The following TAFA2 variants were observed in gnomAD, a reference collection of about 807,000 sequenced individuals.
TAFA2 encodes the protein TAFA chemokine like family member 2.
In TAFA2, 7 loss-of-function variants were observed where a neutral mutation model predicts 18.8. The observed-to-expected ratio is 0.37, with a 90% CI of 0.21 to 0.70. The LOEUF is 0.70. TAFA2 is among the 30% of genes least tolerant of loss of function. The pLI, the probability that TAFA2 is intolerant of heterozygous loss-of-function variation, is 0.53. For synonymous variants in TAFA2, 60 were observed against 54.2 expected (o/e 1.11, Z -0.47); for missense variants, 122 against 158.1 (o/e 0.77, Z 1.23).
chr12:62,239,316 T>C (rs896179220), intron 1 of TAFA2, among the ~76,000 whole-genome samples: 15 of 152,242 alleles, frequency 9.9e-5, no homozygotes, highest in Admixed American at 2.6e-4. Context: ...TTTCTTGATG[T>C]ATTCTTCCTA....
chr12:61,885,360 T>C (rs1875330490), intron 1 of TAFA2, among the ~76,000 whole-genome samples: 1 of 152,180 alleles, frequency 6.6e-6, no homozygotes, highest in Non-Finnish European at 1.5e-5. Flanking sequence ...AATGACATAG[T>C]GCCAGGGTGC....
intron 4 of TAFA2, among the ~76,000 whole-genome samples, chr12:61,726,615 A>G (rs570064953): frequency 2.6e-3 from 392 of 152,194 alleles, no homozygotes; most frequent in Admixed American, 4.2e-3. Flanking sequence ...GTTCATTTTC[A>G]GATCTAGGAG....
chr12:61,898,879 C>T (rs1382761320), intron 1 of TAFA2, among the ~76,000 whole-genome samples: 1 of 152,196 alleles, frequency 6.6e-6, no homozygotes, highest in African/African-American at 2.4e-5. Context: ...TGCAACTTTT[C>T]CAAACGTTTT....
At chr12:61,951,145 T>A (rs1878451223) in intron 1 of TAFA2, among the ~76,000 whole-genome samples, 1 of 152,024 alleles carries the variant, frequency 6.6e-6, no homozygotes, top group Non-Finnish European at 1.5e-5. Context: ...AAAAAGAAAG[T>A]CAGAAGCATC....
In TAFA2 at chr12:61,956,743, A is replaced by G. The variant is rs554708342; in HGVS notation, c.-1-89317T>C. On this transcript the variant is annotated intron_variant, in intron 1 of 4. Transcript: ENST00000416284. ...TCAATTCTTTTACCAGCAGATGGTG[A>G]AAGTGATTTTAAAAGAGGAATAAGA... is the stretch of plus-strand genomic sequence containing the variant. Among the ~76,000 whole-genome samples the G allele has an allele frequency of 1.5e-4, 23 of 152,234 alleles. No individual in the cohort carries two copies. In the Middle Eastern group the frequency reaches 0.02, roughly 135 times the overall value.
chr12:62,138,786 T>C (rs2062217185), intron 1 of TAFA2, among the ~76,000 whole-genome samples: 2 of 152,198 alleles, frequency 1.3e-5, no homozygotes, highest in African/African-American at 4.8e-5. Context: ...TCTTTTCAGT[T>C]CAGTGCACCA....
At chr12:61,968,104 T>C (rs960276103) in intron 1 of TAFA2, among the ~76,000 whole-genome samples, 2 of 151,832 alleles carry the variant, frequency 1.3e-5, no homozygotes, top group Non-Finnish European at 2.9e-5. Flanking sequence ...TAGATGCTCT[T>C]CTAGATAGCA....
chr12:62,101,335 A>G (rs1347850748), intron 1 of TAFA2, among the ~76,000 whole-genome samples: 1 of 152,176 alleles, frequency 6.6e-6, no homozygotes, highest in African/African-American at 2.4e-5. Context: ...ATGAGTCTAT[A>G]GGTGCTAAGA....
At chr12:61,916,998 A>G (rs1450812330) in intron 1 of TAFA2, among the ~76,000 whole-genome samples, 2 of 152,204 alleles carry the variant, frequency 1.3e-5, no homozygotes, top group South Asian at 2.1e-4. Context: ...CTAAATGCCC[A>G]GCTGGGAGTA....
chr12:61,747,633 C>T (rs1040185030), intron 4 of TAFA2, among the ~76,000 whole-genome samples: 5 of 149,900 alleles, frequency 3.3e-5, no homozygotes, highest in Non-Finnish European at 5.9e-5. Flanking sequence ...CCAAACACCG[C>T]ATATTCTCAC....
At chr12:62,116,253 C>T (rs1287700816) in intron 1 of TAFA2, among the ~76,000 whole-genome samples, 1 of 152,154 alleles carries the variant, frequency 6.6e-6, no homozygotes, top group African/African-American at 2.4e-5. Context: ...GCCCATGTGG[C>T]TACAATTGGA....
At chr12:61,831,139 C>T (rs1351886673) in intron 2 of TAFA2, among the ~76,000 whole-genome samples, 1 of 152,016 alleles carries the variant, frequency 6.6e-6, no homozygotes, top group African/African-American at 2.4e-5. Context: ...ATCTACTTTG[C>T]AGCAGTGTAA....
intron 2 of TAFA2, among the ~76,000 whole-genome samples, chr12:61,788,957 G>A (rs142338205): frequency 1.3e-5 from 2 of 151,934 alleles, no homozygotes. Context: ...GTCTTCTTTT[G>A]AGAAGCGTTT....
intron 1 of TAFA2, among the ~76,000 whole-genome samples, chr12:62,071,783 T>C (rs1422882197): frequency 6.6e-6 from 1 of 152,150 alleles, no homozygotes; most frequent in East Asian, 1.9e-4. Flanking sequence ...GGCTAACTTC[T>C]AGATACTTGG....
At chr12:61,776,104 G>A in intron 2 of TAFA2, 1 of 442,618 alleles carries the variant, frequency 2.3e-6, no homozygotes, top group Admixed American at 2.3e-5. Flanking sequence ...GGCAAAACTG[G>A]AAGAGTCTAC....
intron 1 of TAFA2, among the ~76,000 whole-genome samples, chr12:62,181,765 A>C (rs1193889249): frequency 2.0e-5 from 3 of 152,210 alleles, no homozygotes; most frequent in Non-Finnish European, 4.4e-5. Context: ...ACACCTTCTG[A>C]CATTAGCCAA....
At chr12:62,048,694 A>G (rs1164638210) in intron 1 of TAFA2, among the ~76,000 whole-genome samples, 1 of 152,226 alleles carries the variant, frequency 6.6e-6, no homozygotes, top group African/African-American at 2.4e-5. Context: ...TTATTATTAC[A>G]AATAAGCCTT....
intron 1 of TAFA2, among the ~76,000 whole-genome samples, chr12:62,133,322 G>A (rs1592356465): frequency 6.6e-6 from 1 of 151,972 alleles, no homozygotes; most frequent in Non-Finnish European, 1.5e-5. Context: ...TGGAACCCAG[G>A]ACTAAGCATG....
chr12:62,238,903 C>T (rs1004482284), intron 1 of TAFA2, among the ~76,000 whole-genome samples: 1 of 152,252 alleles, frequency 6.6e-6, no homozygotes, highest in Non-Finnish European at 1.5e-5. Flanking sequence ...TGCTCTGCCA[C>T]TGCAGCTTCC....
Sources: gnomAD v4.1 joint callset for allele counts (sites outside exome capture counted in the v4.1 genomes callset) on GRCh38, gnomAD v4.1.1 for gene constraint, MANE v1.5 for transcripts, NCBI Gene and HGNC (gene_info 2026-07-23, HGNC 2026-07-21) for gene names.